Variants in MYH9 observed in about 807,000 individuals in gnomAD.
MYH9 encodes the protein myosin-9.
A neutral mutation model predicts 241.9 loss-of-function variants in MYH9; 29 were observed. That is an observed-to-expected ratio of 0.12 (90% CI 0.09 to 0.16). The LOEUF (loss-of-function observed/expected upper bound fraction) is 0.16, where lower values mean the gene tolerates loss of function less well. Ranked by LOEUF, MYH9 falls within the 10% of genes least tolerant of loss-of-function variation. MYH9 has a pLI of 1.00. For missense variants in MYH9, 1,803 were observed against 2,595.5 expected (o/e 0.69, Z 6.63); for synonymous variants, 1,047 against 1,062.6 (o/e 0.99, Z 0.29).
intron 1 of MYH9, among the ~76,000 whole-genome samples, chr22:36,377,263 C>A (rs995132962): frequency 6.6e-6 from 1 of 152,060 alleles, no homozygotes; most frequent in Non-Finnish European, 1.5e-5. Flanking sequence ...ATTAAGTCAC[C>A]CAGACTGTCC....
At position 36,296,833 on chromosome 22, in the gene MYH9, G is replaced by A; in HGVS notation, c.3272+10C>T. The A allele has an allele frequency of 1.2e-6, 2 of 1,600,690 alleles. No individual in the cohort carries two copies. Among genetic ancestry groups the A allele is most frequent in the Non-Finnish European group, 1.7e-6 (2 of 1,173,288 alleles). On this transcript the variant is annotated intron_variant, in intron 25 of 40. Coordinates refer to ENST00000216181, the MANE Select transcript of MYH9 (RefSeq NM_002473.6). ...CCACCTGGCCTCAGGCGGGCAGGCG[G>A]GGTCCTCACCTGGCCAGGGCGGCCT...
intron 1 of MYH9, among the ~76,000 whole-genome samples, chr22:36,376,123 G>A (rs540327285): frequency 1.3e-5 from 2 of 151,680 alleles, no homozygotes; most frequent in South Asian, 2.1e-4. Flanking sequence ...CACCACACCC[G>A]GCTAATTTTG....
rs80338835 is a variant in MYH9 at position 36,282,754 on chromosome 22, G to A, written c.5797C>T (p.Arg1933Ter). The change falls in exon 41 of 41, where the codon CGA becomes TGA. Residue 1933 changes from arginine (R) to a stop codon, truncating the protein, a stop_gained. Coordinates refer to ENST00000216181, the MANE Select transcript of MYH9 (RefSeq NM_002473.6). LOFTEE classifies it high-confidence loss of function. ...RGDLPFVVPR[R>*]MARKGAGDGS... is the part of the protein sequence containing the mutation. The stretch of plus-strand genomic sequence containing the variant: ...TCCCCGGCGCCTTTCCGGGCCATTC[G>A]GCGGGGCACGACAAACGGCAGGTCC... 3 of 1,612,858 alleles carry A rather than the reference G, an allele frequency of 1.9e-6. No homozygotes were observed. Among genetic ancestry groups the A allele is most frequent in the African/African-American group, 1.3e-5 (1 of 74,848 alleles).
At chr22:36,309,188 G>A in intron 15 of MYH9, 94 bp downstream of exon 15, 2 of 1,050,766 alleles carry the variant, frequency 1.9e-6, no homozygotes, top group Non-Finnish European at 2.9e-6. Context: ...GGGCACATGT[G>A]TACCCCTTGT....
At chr22:36,310,290 G>T (rs1221665553) in intron 14 of MYH9, among the ~76,000 whole-genome samples, 1 of 148,126 alleles carries the variant, frequency 6.8e-6, no homozygotes, top group Non-Finnish European at 1.5e-5. Flanking sequence ...AAAAAAGATA[G>T]AGATAGGGTC....
intron 5 of MYH9, among the ~76,000 whole-genome samples, chr22:36,325,805 G>A (rs774757073): frequency 2.7e-4 from 41 of 152,218 alleles, no homozygotes; most frequent in Admixed American, 1.8e-3. Flanking sequence ...CCATTCTGCA[G>A]GAGCTGTCAT....
chr22:36,329,494 G>A lies in MYH9; in HGVS notation c.491-2006C>T, dbSNP rs558337933. Among the ~76,000 whole-genome samples, 6 of 152,272 alleles carry A rather than the reference G, an allele frequency of 3.9e-5. No homozygotes were observed. Among genetic ancestry groups the A allele is most frequent in the Middle Eastern group, 3.4e-3 (1 of 294 alleles). On this transcript the variant is annotated intron_variant, in intron 3 of 40. Transcript: ENST00000216181. This position sits in a 1 kb window ranked among gnomAD's most constrained non-coding sequence, Gnocchi z 4.1. ...CCAGCCCCCTGCCCTCCCCCACTGC[G>A]TCTCCCTGTGGTCTGCCCCAGCTGT...
At chr22:36,358,162 T>A (rs892030095) in intron 1 of MYH9, among the ~76,000 whole-genome samples, 3 of 152,130 alleles carry the variant, frequency 2.0e-5, no homozygotes, top group Non-Finnish European at 2.9e-5. Flanking sequence ...CCTCCCCGGT[T>A]CAAGCAATTC....
chr22:36,314,033 G>T, intron 13 of MYH9, 112 bp downstream of exon 13: 1 of 1,375,554 alleles, frequency 7.3e-7, no homozygotes, highest in Non-Finnish European at 1.0e-6. Context: ...GCACCAAAAG[G>T]AAGGGGAGTT....
rs1296997513 is a variant in MYH9 at position 36,281,844 on chromosome 22, TG to T, written c.*823del. 8.7e-6 allele frequency: 2 copies of T among 230,938 alleles called. No individual in the cohort carries two copies. 14.3% of individuals were successfully genotyped at this position (230,938 alleles called of 1,614,324 possible). On this transcript the variant is annotated 3_prime_UTR_variant, in exon 41 of 41. Transcript: ENST00000216181. Reference sequence around the variant, plus strand: ...CCTCTAACGCTCTGGCTGTCAGACTTGGGACAAGTCCCTTAACCATTAAATA... The same window carrying T: ...CCTCTAACGCTCTGGCTGTCAGACTTGGACAAGTCCCTTAACCATTAAATA...
intron 3 of MYH9, among the ~76,000 whole-genome samples, chr22:36,337,464 T>TCAGGACTGTACAGGCAAACCAGTAC (rs1408283255): frequency 6.6e-6 from 1 of 152,138 alleles, no homozygotes. Context: ...CAGGCATAAA[T>TCAGGACTGTACAGGCAAACCAGTAC]CAGGACTGTA....
rs1366700771 is a variant in MYH9, at chr22:36,330,052, GATGT to G, written c.491-2568_491-2565del. Among the ~76,000 whole-genome samples the G allele has an allele frequency of 1.3e-5, 2 of 152,160 alleles. No individual in the cohort carries two copies. Among genetic ancestry groups the G allele is most frequent in the Non-Finnish European group, 2.9e-5 (2 of 68,022 alleles). On this transcript the variant is annotated intron_variant, in intron 3 of 40. Transcript: ENST00000216181. The surrounding 1 kb of genome is among the most constrained non-coding windows in gnomAD (Gnocchi z 4.5). ...ATGTACATAGCCATGCACACACACG[GATGT>G]ATGCACAGGCACACACACTTCAAAT... is the stretch of plus-strand genomic sequence containing the variant.
At chr22:36,367,916 T>G (rs2018035069) in intron 1 of MYH9, among the ~76,000 whole-genome samples, 1 of 152,128 alleles carries the variant, frequency 6.6e-6, no homozygotes, top group African/African-American at 2.4e-5. Context: ...CAGATATGCA[T>G]GCACACAGAC....
At chr22:36,385,170 TTC>T (rs368932396) in intron 1 of MYH9, among the ~76,000 whole-genome samples, 8,315 of 151,162 alleles carry the variant, frequency 0.055, 657 homozygotes, top group African/African-American at 0.16. Context: ...GTTTTTTTTT[TTC>T]TCTCTCTCTC....
rs566890183 is a variant in MYH9 at position 36,382,149 on chromosome 22, G to A, written c.-20+5658C>T. 2.0e-5 allele frequency among the ~76,000 whole-genome samples: 3 copies of A among 152,086 alleles called. No homozygotes were observed. The South Asian group carries it at 6.2e-4, about 32-fold the overall frequency. ...AGCCCCAAACGACCTTCTAAAAAGA[G>A]GGTTGTACAATATACACTCCCATCA... On this transcript the variant is annotated intron_variant, in intron 1 of 40. Transcript: ENST00000216181.
rs56020676 is a variant in MYH9, at chr22:36,294,074, T to C, written c.3837+18A>G. 0.026 allele frequency: 42,290 copies of C among 1,605,878 alleles called. 3,285 individuals are homozygous for C. In the African/African-American group the frequency reaches 0.28, roughly 11 times the overall value. ...CTAGGGCCCACTGCCCGCGCCAGGG[T>C]CCTGGCGGAGGCCTCACCTGCAGCT... is the stretch of plus-strand genomic sequence containing the variant. On this transcript the variant is annotated intron_variant, in intron 28 of 40. Coordinates refer to ENST00000216181, the MANE Select transcript of MYH9 (RefSeq NM_002473.6).
At chr22:36,309,793 T>C (rs1371998853) in intron 14 of MYH9, among the ~76,000 whole-genome samples, 1 of 152,282 alleles carries the variant, frequency 6.6e-6, no homozygotes, top group Non-Finnish European at 1.5e-5. Flanking sequence ...ATTTTTGTTT[T>C]TTCTTTGTCT....
In MYH9 at chr22:36,293,636, C is replaced by T. The variant is rs1303291969; in HGVS notation, c.3942+123G>A. ...GGAGCTGGGAGGACGCAGAGACCCA[C>T]CCACAGGATGAAGCAGATGAAGGAG... On this transcript the variant is annotated intron_variant, in intron 29 of 40. Transcript: ENST00000216181. The surrounding 1 kb of genome is among the most constrained non-coding windows in gnomAD (Gnocchi z 5.1). 4 of 1,336,080 alleles carry T rather than the reference C, an allele frequency of 3.0e-6. No homozygotes were observed. The highest frequency in any genetic ancestry group is 3.2e-6 in the Non-Finnish European group (3 of 945,470). The allele number at this position is 1,336,080 out of a possible 1,614,324, so 82.8% of individuals were successfully genotyped here. A position where few individuals can be genotyped will look rare whatever the true frequency, so the allele number is the denominator to read the frequency against.
intron 1 of MYH9, among the ~76,000 whole-genome samples, chr22:36,379,756 C>T (rs140658514): frequency 6.6e-6 from 1 of 152,314 alleles, no homozygotes; most frequent in East Asian, 1.9e-4. Context: ...CTCCTTCCAG[C>T]CACAGCAGGA....
Sources: allele counts gnomAD v4.1 joint callset (sites outside exome capture counted in the v4.1 genomes callset), GRCh38; gene constraint gnomAD v4.1.1; non-coding constraint Gnocchi (gnomAD v3.1); transcripts MANE v1.5; gene names NCBI Gene and HGNC (gene_info 2026-07-23, HGNC 2026-07-21).